Variants in TDRD10 observed in about 807,000 individuals in gnomAD.
The protein encoded by TDRD10 is tudor domain-containing protein 10.
TDRD10 carries 40 observed loss-of-function variants against 48.0 expected under a neutral mutation model. The ratio of observed to expected loss-of-function variants is 0.83; its 90% confidence interval spans 0.65 to 1.09. The LOEUF (loss-of-function observed/expected upper bound fraction) is 1.09. TDRD10 is among the 50% of genes least tolerant of loss of function. TDRD10 has a pLI of 0.00. For synonymous variants in TDRD10, 162 were observed against 170.4 expected, an observed-to-expected ratio of 0.95 and a Z score of 0.38; for missense variants, 378 against 434.7, an observed-to-expected ratio of 0.87 and a Z score of 1.16.
chr1:154,529,067 TGGAAAGAATTA>T (rs1557826243), intron 6 of TDRD10, among the ~76,000 whole-genome samples: 3 of 152,128 alleles, frequency 2.0e-5, no homozygotes, highest in African/African-American at 7.2e-5. Flanking sequence ...AGATCCAAGT[TGGAAAGAATTA>T]TAATGTTGTT....
In TDRD10 at chr1:154,544,898, G is replaced by A. The variant is rs748993679; in HGVS notation, c.901G>A (p.Asp301Asn). 4.3e-6 allele frequency: 7 copies of A among 1,614,066 alleles called. No homozygotes were observed. In the Admixed American group the frequency reaches 5.0e-5, roughly 12 times the overall value. Reference sequence around the variant, plus strand: ...GCAGTCTCTGCGCAGCCTAGACAGCGACGACTTCTGGACCATCCCACCCCT... The same window carrying A: ...GCAGTCTCTGCGCAGCCTAGACAGCAACGACTTCTGGACCATCCCACCCCT... ...PVQSLRSLDS[D>N]DFWTIPPLTQ... The change falls in exon 11 of 13, where the codon GAC (aspartate) becomes AAC (asparagine). Residue 301 changes from aspartate to asparagine, a missense_variant. Physicochemically the swap from Asp to Asn is conservative, Grantham distance 23. Around this residue, in one of 2 missense-constraint regions of TDRD10, gnomAD observed 68 missense variants for 111.1 expected, o/e 0.61. Transcript: ENST00000368482.
chr1:154,543,845 T>C (rs1320260969), intron 8 of TDRD10, 118 bp from the exon 9 acceptor site: 1 of 1,448,358 alleles, frequency 6.9e-7, no homozygotes, highest in Non-Finnish European at 9.4e-7. Context: ...GCCTTTCTGC[T>C]TAGGGGACTC....
chr1:154,547,768 C>T lies in TDRD10; in HGVS notation c.*58C>T, dbSNP rs1380595239. The stretch of plus-strand genomic sequence containing the variant: ...TTGCCACGGATCCAGAGGCCACCTG[C>T]CCTGTCTTCTCGTACCCCTTTCACT... On this transcript the variant is annotated 3_prime_UTR_variant, in exon 13 of 13. Coordinates refer to ENST00000368482, the MANE Select transcript of TDRD10 (RefSeq NM_182499.4). 1 of 1,599,036 alleles carries T rather than the reference C, an allele frequency of 6.3e-7. No individual in the cohort carries two copies. Among genetic ancestry groups the T allele is most frequent in the Non-Finnish European group, 8.6e-7 (1 of 1,168,042 alleles).
intron 6 of TDRD10, among the ~76,000 whole-genome samples, chr1:154,534,777 A>G (rs1694832436): frequency 6.6e-6 from 1 of 152,200 alleles, no homozygotes; most frequent in South Asian, 2.1e-4. Context: ...AATTGTTTTA[A>G]AGAAAAGAAA....
chr1:154,529,389 C>T (rs916055166), intron 6 of TDRD10, among the ~76,000 whole-genome samples: 2 of 152,022 alleles, frequency 1.3e-5, no homozygotes, highest in African/African-American at 4.8e-5. Context: ...ATAATTTTTG[C>T]TTCAACTGTC....
At chr1:154,532,978 C>T (rs553077000) in intron 6 of TDRD10, among the ~76,000 whole-genome samples, 64 of 151,784 alleles carry the variant, frequency 4.2e-4, no homozygotes, top group African/African-American at 1.3e-3. Context: ...ACACCCCCCC[C>T]AGTAGGGAGA....
intron 6 of TDRD10, among the ~76,000 whole-genome samples, chr1:154,527,802 A>G (rs1055480047): frequency 1.3e-5 from 2 of 152,236 alleles, no homozygotes; most frequent in Non-Finnish European, 2.9e-5. Flanking sequence ...CAGTGATTCA[A>G]ATATGGCCTA....
intron 3 of TDRD10, among the ~76,000 whole-genome samples, chr1:154,507,790 C>T (rs1317425886): frequency 1.3e-5 from 2 of 152,208 alleles, no homozygotes; most frequent in African/African-American, 4.8e-5. Flanking sequence ...GTGCAATCCA[C>T]CTGGCACCTA....
intron 6 of TDRD10, among the ~76,000 whole-genome samples, chr1:154,537,685 C>T (rs1457860697): frequency 1.3e-5 from 2 of 152,150 alleles, no homozygotes; most frequent in Admixed American, 1.3e-4. Context: ...AAGAACTTCT[C>T]CCTGGTGTGT....
chr1:154,515,289 C>T (rs1311519883), intron 4 of TDRD10, among the ~76,000 whole-genome samples: 1 of 152,068 alleles, frequency 6.6e-6, no homozygotes, highest in African/African-American at 2.4e-5. Flanking sequence ...TGAGCCACCG[C>T]ACCCAGCCAG....
chr1:154,544,582 A>G (rs1695447013), intron 10 of TDRD10, 65 bp downstream of exon 10: 3 of 1,562,854 alleles, frequency 1.9e-6, no homozygotes, highest in South Asian at 1.2e-5. Context: ...CCCTTCTTGC[A>G]TTCTCTTCCT....
Position 154,547,816 on chromosome 1 carries a change from A to G in TDRD10, c.*106A>G. On this transcript the variant is annotated 3_prime_UTR_variant, in exon 13 of 13. Transcript: ENST00000368482. Reference sequence around the variant, plus strand: ...ACTCTTGAGGCCTGGGAGGTGAAAAAGGCCAGACTGTGCCCAGGATTGATT... The same window carrying G: ...ACTCTTGAGGCCTGGGAGGTGAAAAGGGCCAGACTGTGCCCAGGATTGATT... 1 of 1,391,708 alleles carries G rather than the reference A, an allele frequency of 7.2e-7. No homozygotes were observed. The highest frequency in any genetic ancestry group is 1.0e-6 in the Non-Finnish European group (1 of 986,508). The allele number at this position is 1,391,708 out of a possible 1,614,324, so 86.2% of individuals were successfully genotyped here.
intron 8 of TDRD10, 76 bp from the exon 9 acceptor site, chr1:154,543,887 A>C (rs1695393455): frequency 1.9e-6 from 3 of 1,578,348 alleles, no homozygotes; most frequent in Non-Finnish European, 1.7e-6. Context: ...CCTGCAGGAC[A>C]GGCGTTGGTC....
Position 154,521,416 on chromosome 1 carries a change from GAAT to G in TDRD10, c.308_310del (p.Asn103del). On this transcript the variant is annotated inframe_deletion, in exon 6 of 13. Coordinates refer to ENST00000368482, the MANE Select transcript of TDRD10 (RefSeq NM_182499.4). ...TCTTCCACAAGCGAAAACTGTTCGT[GAAT>G]ACAAGCAAAAGGCCCCCCAAGAGGA... The G allele has an allele frequency of 6.2e-7, 1 of 1,614,170 alleles. No individual in the cohort carries two copies. Among genetic ancestry groups the G allele is most frequent in the Non-Finnish European group, 8.5e-7 (1 of 1,180,034 alleles).
intron 4 of TDRD10, among the ~76,000 whole-genome samples, chr1:154,510,587 A>G (rs983717291): frequency 6.6e-6 from 1 of 150,862 alleles, no homozygotes; most frequent in Admixed American, 6.6e-5. Context: ...GCGAGACTCC[A>G]TCTCAAAAAA....
intron 11 of TDRD10, 145 bp from the exon 12 acceptor site, chr1:154,547,264 A>G: frequency 1.3e-6 from 1 of 753,362 alleles, no homozygotes; most frequent in Non-Finnish European, 2.2e-6. Flanking sequence ...GCAGGGATTT[A>G]GCAGGAACTA....
At chr1:154,538,819 C>T (rs1203090377) in intron 6 of TDRD10, among the ~76,000 whole-genome samples, 4 of 99,546 alleles carry the variant, frequency 4.0e-5, no homozygotes, top group Non-Finnish European at 9.3e-5. Context: ...CATCACTGCA[C>T]TCCAGCCTGG....
intron 1 of TDRD10, among the ~76,000 whole-genome samples, chr1:154,506,654 G>A (rs1278689521): frequency 1.3e-5 from 2 of 152,234 alleles, no homozygotes; most frequent in Admixed American, 1.3e-4. Context: ...GGGGTTACAG[G>A]CGTGAGCCAC....
chr1:154,540,392 T>C (rs1242511318), intron 6 of TDRD10, among the ~76,000 whole-genome samples: 3 of 151,012 alleles, frequency 2.0e-5, no homozygotes, highest in Non-Finnish European at 4.4e-5. Flanking sequence ...TGCGGTAGGC[T>C]GAGCACAGTG....
Sources: gnomAD v4.1 joint callset for allele counts (sites outside exome capture counted in the v4.1 genomes callset) on GRCh38, gnomAD v4.1.1 for gene constraint, gnomAD v4.1.1 regional missense constraint, MANE v1.5 for transcripts, NCBI Gene and HGNC (gene_info 2026-07-23, HGNC 2026-07-21) for gene names.